The following ANKS1B variants were observed in gnomAD, a reference collection of about 807,000 sequenced individuals.
The protein encoded by ANKS1B is ankyrin repeat and sterile alpha motif domain containing 1B.
A neutral mutation model predicts 148.3 loss-of-function variants in ANKS1B; 36 were observed. The ratio of observed to expected loss-of-function variants is 0.24; its 90% CI spans 0.19 to 0.32. ANKS1B has a LOEUF of 0.32. Among genes scored for constraint, ANKS1B ranks in the 10% least tolerant of loss-of-function variants. ANKS1B has a pLI of 1.00. For missense variants in ANKS1B, 1,157 were observed against 1,542.6 expected (o/e 0.75, Z 4.19); for synonymous variants, 542 against 560.8 (o/e 0.97, Z 0.47).
intron 17 of ANKS1B, among the ~76,000 whole-genome samples, chr12:98,860,557 C>T (rs1042563388): frequency 1.2e-4 from 18 of 152,288 alleles, no homozygotes; most frequent in African/African-American, 4.3e-4. Flanking sequence ...GAGAGCCACA[C>T]CATTAATGGT....
chr12:99,556,416 G>A lies in ANKS1B; in HGVS notation c.1273-51775C>T, dbSNP rs575589364. Among the ~76,000 whole-genome samples the A allele has an allele frequency of 4.6e-5, 7 of 151,760 alleles. No individual in the cohort carries two copies. The South Asian group carries it at 1.5e-3, about 32-fold the overall frequency. On this transcript the variant is annotated intron_variant, in intron 9 of 26. Transcript: ENST00000683438. ...ATTCAGTGATTTTTTTTGGGGGGGA[G>A]CATGGCTTTTCATGTCTCAATTTCA... is the stretch of plus-strand genomic sequence containing the variant.
intron 14 of ANKS1B, among the ~76,000 whole-genome samples, chr12:99,212,989 G>A (rs373814470): frequency 7.9e-5 from 12 of 152,186 alleles, no homozygotes; most frequent in Non-Finnish European, 1.2e-4. Context: ...GAGTACCAGC[G>A]TCAGGATTCA....
At chr12:99,972,594 G>C (rs1021448934) in intron 1 of ANKS1B, among the ~76,000 whole-genome samples, 1 of 152,204 alleles carries the variant, frequency 6.6e-6, no homozygotes, top group Non-Finnish European at 1.5e-5. Context: ...GAAGGTAGCA[G>C]AGGTTCAGGG....
At chr12:99,223,789 C>A (rs1161209193) in intron 14 of ANKS1B, among the ~76,000 whole-genome samples, 1 of 152,186 alleles carries the variant, frequency 6.6e-6, no homozygotes, top group Non-Finnish European at 1.5e-5. Context: ...ATTATATGCC[C>A]AACCAGCCAG....
At chr12:99,060,615 G>T (rs987438930) in intron 16 of ANKS1B, among the ~76,000 whole-genome samples, 26 of 130,918 alleles carry the variant, frequency 2.0e-4, no homozygotes, top group Admixed American at 6.2e-4. Context: ...TATATATGTG[G>T]TTATATATAT....
chr12:99,015,493 A>T (rs2099941903), intron 17 of ANKS1B, among the ~76,000 whole-genome samples: 1 of 152,156 alleles, frequency 6.6e-6, no homozygotes, highest in African/African-American at 2.4e-5. Flanking sequence ...ACAAACTCGC[A>T]CTTGTACCCC....
chr12:99,705,110 T>C (rs937384810), intron 8 of ANKS1B, among the ~76,000 whole-genome samples: 3 of 151,950 alleles, frequency 2.0e-5, no homozygotes, highest in African/African-American at 7.3e-5. Flanking sequence ...AAAGAATAGG[T>C]GAATAAAAAG....
At chr12:99,253,777 G>A (rs2074938503) in intron 12 of ANKS1B, among the ~76,000 whole-genome samples, 1 of 152,096 alleles carries the variant, frequency 6.6e-6, no homozygotes, top group South Asian at 2.1e-4. Context: ...AAGAAATCTG[G>A]GAGGCCCTAT....
intron 16 of ANKS1B, among the ~76,000 whole-genome samples, chr12:99,073,234 TCAGA>T (rs1200840360): frequency 6.6e-6 from 1 of 152,182 alleles, no homozygotes; most frequent in African/African-American, 2.4e-5. Flanking sequence ...TTGCCCATGG[TCAGA>T]CAATTAGGCA....
intron 1 of ANKS1B, among the ~76,000 whole-genome samples, chr12:99,979,832 T>C (rs2095672204): frequency 6.6e-6 from 1 of 152,054 alleles, no homozygotes; most frequent in Admixed American, 6.6e-5. Context: ...GTGGCTTCAA[T>C]CCTGGTAGAA....
At chr12:99,382,222 A>G (rs911956028) in intron 12 of ANKS1B, among the ~76,000 whole-genome samples, 2 of 152,202 alleles carry the variant, frequency 1.3e-5, no homozygotes, top group Admixed American at 1.3e-4. Flanking sequence ...TCATAATGCC[A>G]CTCAGGGAGA....
downstream of ANKS1B, among the ~76,000 whole-genome samples, chr12:98,742,605 T>G (rs921194919): frequency 2.6e-5 from 4 of 152,278 alleles, no homozygotes; most frequent in African/African-American, 7.2e-5. Flanking sequence ...TTTCCCTGGT[T>G]GGCACCAAGG....
At chr12:99,641,636 A>G (rs904488647) in intron 9 of ANKS1B, among the ~76,000 whole-genome samples, 1 of 152,186 alleles carries the variant, frequency 6.6e-6, no homozygotes, top group East Asian at 1.9e-4. Context: ...AATTTGGACA[A>G]TAATAAATAC....
chr12:99,216,855 C>T lies in ANKS1B; in HGVS notation c.2419+27487G>A, dbSNP rs75765611. ...AGCTTCCTTTGCAGCTTGGCGTGGC[C>T]GTGTGACTAAGTTCTGATCAATGGT... On this transcript the variant is annotated intron_variant, in intron 14 of 26. Coordinates refer to ENST00000683438, the MANE Select transcript of ANKS1B (RefSeq NM_001352186.2). Among the ~76,000 whole-genome samples the T allele has an allele frequency of 4.0e-3, 612 of 152,264 alleles. 21 individuals carry two copies. The East Asian group carries it at 0.081, about 20-fold the overall frequency.
chr12:99,906,094 G>A (rs2093769933), intron 1 of ANKS1B, among the ~76,000 whole-genome samples: 1 of 152,104 alleles, frequency 6.6e-6, no homozygotes, highest in South Asian at 2.1e-4. Context: ...CGATTATGGG[G>A]TATGTTACAA....
intron 9 of ANKS1B, among the ~76,000 whole-genome samples, chr12:99,608,458 C>T (rs1314498930): frequency 6.6e-6 from 1 of 152,106 alleles, no homozygotes; most frequent in East Asian, 1.9e-4. Context: ...AACTGGAGTT[C>T]ACATCCCCTA....
intron 8 of ANKS1B, among the ~76,000 whole-genome samples, chr12:99,668,309 G>T (rs1299475860): frequency 2.0e-5 from 3 of 151,478 alleles, no homozygotes; most frequent in African/African-American, 7.3e-5. Context: ...CATTCTCCTG[G>T]ATCTTTATTC....
intron 8 of ANKS1B, among the ~76,000 whole-genome samples, chr12:99,671,384 T>C (rs79510713): frequency 0.019 from 2,819 of 152,202 alleles, 66 homozygotes; most frequent in East Asian, 0.066. Flanking sequence ...TTAATAGGCA[T>C]GTTTGATCAA....
At chr12:99,531,017 C>G (rs1366698350) in intron 9 of ANKS1B, among the ~76,000 whole-genome samples, 1 of 152,116 alleles carries the variant, frequency 6.6e-6, no homozygotes, top group Non-Finnish European at 1.5e-5. Flanking sequence ...TTATGTTCTC[C>G]TTATTCCCTC....
Sources: gnomAD v4.1 joint callset for allele counts (sites outside exome capture counted in the v4.1 genomes callset) on GRCh38, gnomAD v4.1.1 for gene constraint, MANE v1.5 for transcripts, NCBI Gene and HGNC (gene_info 2026-07-23, HGNC 2026-07-21) for gene names.